The following ZCCHC7 variants were observed in gnomAD, a reference collection of about 807,000 sequenced individuals.
The protein encoded by ZCCHC7 is zinc finger CCHC domain-containing protein 7.
A neutral mutation model predicts 52.0 loss-of-function variants in ZCCHC7; 35 were observed. The observed-to-expected ratio is 0.67, with a 90% CI of 0.51 to 0.89. The LOEUF (loss-of-function observed/expected upper bound fraction) is 0.89. Among genes scored for constraint, ZCCHC7 ranks in the 40% least tolerant of loss-of-function variants. ZCCHC7 has a pLI of 0.00. For missense variants in ZCCHC7, 574 were observed against 649.1 expected, an observed-to-expected ratio of 0.88 and a Z score of 1.26; for synonymous variants, 217 against 221.5, an observed-to-expected ratio of 0.98 and a Z score of 0.18.
intron 2 of ZCCHC7, among the ~76,000 whole-genome samples, chr9:37,282,025 A>G (rs1355765936): frequency 1.3e-5 from 2 of 152,238 alleles, no homozygotes; most frequent in Admixed American, 1.3e-4. Flanking sequence ...ATTCTCTTCT[A>G]TCTTAAACCT....
intron 2 of ZCCHC7, among the ~76,000 whole-genome samples, chr9:37,159,282 A>G (rs1350278419): frequency 1.3e-5 from 2 of 152,218 alleles, no homozygotes; most frequent in Non-Finnish European, 2.9e-5. Flanking sequence ...ATTTTAATCT[A>G]TCTTTGGAAT....
At chr9:37,120,513 C>T (rs1188059213), upstream of ZCCHC7, 1 of 398,960 alleles carries the variant, frequency 2.5e-6, no homozygotes, top group Non-Finnish European at 4.4e-6. Context: ...GAAGTGCCTT[C>T]CCTCCCGGGT....
chr9:37,120,707 T>C, intron 1 of ZCCHC7, 84 bp downstream of exon 1: 1 of 368,290 alleles, frequency 2.7e-6, no homozygotes, highest in Non-Finnish European at 4.9e-6. Context: ...GCTGTGGAAC[T>C]AGCGCGTGCC....
At chr9:37,292,518 C>G (rs766470227) in intron 2 of ZCCHC7, among the ~76,000 whole-genome samples, 1 of 151,718 alleles carries the variant, frequency 6.6e-6, no homozygotes, top group Non-Finnish European at 1.5e-5. Flanking sequence ...TAAATTTAAC[C>G]TGAGGATGGA....
chr9:37,187,507 C>T (rs539768467), intron 2 of ZCCHC7, among the ~76,000 whole-genome samples: 57 of 152,206 alleles, frequency 3.7e-4, no homozygotes, highest in Non-Finnish European at 7.6e-4. Flanking sequence ...CCTAACAGGC[C>T]ACGAACTGGT....
intron 2 of ZCCHC7, among the ~76,000 whole-genome samples, chr9:37,163,385 C>CAAAAAAAAAAAAAAAA (rs1022187626): frequency 3.9e-5 from 3 of 77,168 alleles, no homozygotes; most frequent in Admixed American, 1.7e-4. Context: ...GACTCCATCT[C>CAAAAAAAAAAAAAAAA]AAAAAAAAAA....
At chr9:37,257,946 C>G (rs1194783825) in intron 2 of ZCCHC7, among the ~76,000 whole-genome samples, 1 of 152,116 alleles carries the variant, frequency 6.6e-6, no homozygotes, top group African/African-American at 2.4e-5. Context: ...TATAGCAACA[C>G]AGAGATTAAA....
chr9:37,203,575 G>A (rs1293400914), intron 2 of ZCCHC7, among the ~76,000 whole-genome samples: 3 of 152,166 alleles, frequency 2.0e-5, no homozygotes, highest in African/African-American at 7.2e-5. Context: ...CTGTGTTCCT[G>A]TGTTAGTTTA....
chr9:37,218,440 A>G (rs939118971), intron 2 of ZCCHC7, among the ~76,000 whole-genome samples: 3 of 152,232 alleles, frequency 2.0e-5, no homozygotes, highest in Admixed American at 1.3e-4. Flanking sequence ...TCAAGTTTTC[A>G]TAATGTATAT....
At chr9:37,251,647 G>T (rs2133396854) in intron 2 of ZCCHC7, among the ~76,000 whole-genome samples, 1 of 152,310 alleles carries the variant, frequency 6.6e-6, no homozygotes, top group Non-Finnish European at 1.5e-5. Context: ...ATCAGGGTCA[G>T]AGAGGTGGTG....
At chr9:37,309,733 C>T (rs1829504184) in intron 5 of ZCCHC7, among the ~76,000 whole-genome samples, 1 of 152,134 alleles carries the variant, frequency 6.6e-6, no homozygotes, top group Admixed American at 6.5e-5. Context: ...GCCAGCCTGG[C>T]CAACACAGCA....
intron 4 of ZCCHC7, among the ~76,000 whole-genome samples, chr9:37,305,253 T>C (rs1245846163): frequency 6.6e-6 from 1 of 152,220 alleles, no homozygotes; most frequent in Admixed American, 6.5e-5. Flanking sequence ...CTAGATATCC[T>C]CCTCATTCTA....
At chr9:37,130,334 CTTT>C (rs34589957) in intron 2 of ZCCHC7, among the ~76,000 whole-genome samples, 7 of 63,094 alleles carry the variant, frequency 1.1e-4, no homozygotes, top group Middle Eastern at 0.013. Flanking sequence ...GAATTCTCTC[CTTT>C]TTTTTTTTTT....
intron 5 of ZCCHC7, among the ~76,000 whole-genome samples, chr9:37,308,160 G>A (rs1041780519): frequency 6.6e-6 from 1 of 152,100 alleles, no homozygotes; most frequent in Non-Finnish European, 1.5e-5. Flanking sequence ...TATTCTCAAG[G>A]CTATATAGAT....
chr9:37,336,409 C>T (rs1830663030), intron 6 of ZCCHC7, among the ~76,000 whole-genome samples: 1 of 152,272 alleles, frequency 6.6e-6, no homozygotes, highest in South Asian at 2.1e-4. Flanking sequence ...CTTCCCCCTT[C>T]TAACAGGTCC....
intron 6 of ZCCHC7, among the ~76,000 whole-genome samples, chr9:37,346,846 A>G (rs139708788): frequency 6.6e-6 from 1 of 152,094 alleles, no homozygotes. Context: ...TAAAAATTAA[A>G]GTAGCCAGGC....
At chr9:37,191,936 G>T (rs1376468605) in intron 2 of ZCCHC7, among the ~76,000 whole-genome samples, 1 of 152,238 alleles carries the variant, frequency 6.6e-6, no homozygotes, top group Non-Finnish European at 1.5e-5. Context: ...GGGCAGAGCT[G>T]TAGAAAACCG....
At chr9:37,274,486 C>A (rs895833243) in intron 2 of ZCCHC7, among the ~76,000 whole-genome samples, 1 of 151,554 alleles carries the variant, frequency 6.6e-6, no homozygotes, top group Non-Finnish European at 1.5e-5. Flanking sequence ...GTCACAGGTG[C>A]GTGCCACCAT....
chr9:37,207,359 T>C (rs901616679), intron 2 of ZCCHC7, among the ~76,000 whole-genome samples: 1 of 152,196 alleles, frequency 6.6e-6, no homozygotes, highest in African/African-American at 2.4e-5. Context: ...TTCTATACGT[T>C]AATGTGTCAT....
Sources: gnomAD v4.1 joint callset for allele counts (sites outside exome capture counted in the v4.1 genomes callset) on GRCh38, gnomAD v4.1.1 for gene constraint, MANE v1.5 for transcripts, NCBI Gene and HGNC (gene_info 2026-07-23, HGNC 2026-07-21) for gene names.